MYRFL: variants seen among roughly 807,000 people sequenced by gnomAD.
MYRFL encodes myelin regulatory factor like.
MYRFL carries 88 observed loss-of-function variants against 109.4 expected under a neutral mutation model. That is an observed-to-expected ratio of 0.80 (90% CI 0.68 to 0.96). MYRFL has a LOEUF of 0.96. Ranked by LOEUF, MYRFL falls within the 40% of genes least tolerant of loss-of-function variation. The pLI is 0.00. For synonymous variants in MYRFL, 324 were observed against 320.9 expected, an observed-to-expected ratio of 1.01 and a Z score of -0.10; for missense variants, 957 against 954.9, an observed-to-expected ratio of 1.00 and a Z score of -0.03.
At chr12:69,869,063 G>C (rs1317013200) in intron 2 of MYRFL, among the ~76,000 whole-genome samples, 1 of 152,208 alleles carries the variant, frequency 6.6e-6, no homozygotes, top group Non-Finnish European at 1.5e-5. Flanking sequence ...AGTTCATGCG[G>C]AAAGATAAAT....
rs1346873821 is a variant in MYRFL at position 69,958,309 on chromosome 12, C to T, written c.2632C>T (p.Arg878Cys). The T allele has an allele frequency of 5.2e-6, 8 of 1,536,252 alleles. No individual in the cohort carries two copies. Among genetic ancestry groups the T allele is most frequent in the East Asian group, 4.9e-5 (2 of 40,928 alleles). Residue 878 changes from arginine to cysteine, a missense_variant, in exon 24 of 25, where the codon CGT becomes TGT. Coordinates refer to ENST00000552032, the MANE Select transcript of MYRFL (RefSeq NM_182530.3). Reference protein sequence around the residue: ...APFSDSMFHFRVAAPDLADCS... With the variant: ...APFSDSMFHFCVAAPDLADCS... ...ATTTTCTGACAGCATGTTCCATTTCCGTGTAGCTGCACCGGTAAGCTTGCT... is the reference window on the plus strand; with the variant it reads ...ATTTTCTGACAGCATGTTCCATTTCTGTGTAGCTGCACCGGTAAGCTTGCT...
chr12:69,867,348 T>C (rs1028264372), intron 2 of MYRFL, among the ~76,000 whole-genome samples: 1 of 152,202 alleles, frequency 6.6e-6, no homozygotes, highest in African/African-American at 2.4e-5. Context: ...TATGCACGTG[T>C]GTGCAGGGAA....
At chr12:69,896,000 G>A (rs1398042593) in intron 9 of MYRFL, among the ~76,000 whole-genome samples, 1 of 152,180 alleles carries the variant, frequency 6.6e-6, no homozygotes, top group East Asian at 1.9e-4. Context: ...CAAAAACTCT[G>A]GGGATGGGGC....
At chr12:69,958,003 G>C in intron 23 of MYRFL, 61 bp downstream of exon 23, 1 of 1,497,204 alleles carries the variant, frequency 6.7e-7, no homozygotes, top group Middle Eastern at 1.7e-4. Context: ...CAAATTGCCA[G>C]TGTTTTCCCT....
chr12:69,857,205 C>T (rs1366074040), intron 2 of MYRFL, among the ~76,000 whole-genome samples: 6 of 151,896 alleles, frequency 4.0e-5, no homozygotes, highest in Non-Finnish European at 4.4e-5. Context: ...CTAGACTCTT[C>T]ATTCCTTTCC....
Position 69,903,751 on chromosome 12 carries a change from G to A in MYRFL, c.1290G>A (p.Ala430=), listed in dbSNP as rs1246456924. 12 of 1,535,624 alleles carry A rather than the reference G, an allele frequency of 7.8e-6. No homozygotes were observed. The Admixed American group carries it at 1.4e-4, about 18-fold the overall frequency. Reference sequence around the variant, plus strand: ...GTCGAGTAGGAATCAACACAGATGCGCCGGACGAAGCCCTGGTTGTCTGTG... The same window carrying A: ...GTCGAGTAGGAATCAACACAGATGCACCGGACGAAGCCCTGGTTGTCTGTG... ...CHGRVGINTD[A]PDEALVVCGN... Residue 430 remains alanine, a synonymous_variant, in exon 11 of 25, where the codon GCG becomes GCA. Transcript: ENST00000552032.
chr12:69,854,773 G>C (rs1166673075), intron 1 of MYRFL, among the ~76,000 whole-genome samples: 1 of 152,070 alleles, frequency 6.6e-6, no homozygotes, highest in Non-Finnish European at 1.5e-5. Flanking sequence ...GATAAAGTCT[G>C]GGCTTTTAGT....
chr12:69,881,696 C>T (rs956960151), intron 5 of MYRFL, among the ~76,000 whole-genome samples: 1 of 152,224 alleles, frequency 6.6e-6, no homozygotes, highest in Non-Finnish European at 1.5e-5. Context: ...TCAACTAAAC[C>T]TCAAACTGCC....
chr12:69,910,878 A>T lies in MYRFL; in HGVS notation c.1550A>T (p.Asp517Val). The change falls in exon 13 of 25, where the codon GAT becomes GTT. Residue 517 changes from aspartate to valine, a missense_variant. Physicochemically the swap from Asp to Val is radical, Grantham distance 152. Transcript: ENST00000552032. ...CCCAGAGCAGTAAGAGAGGTTGGTG[A>T]TGTCACCTGCGGAAACGGAGAGACC... The part of the protein sequence containing the change: ...ILPRAVREVG[D>V]VTCGNGETLE... 1.3e-6 allele frequency: 2 copies of T among 1,535,366 alleles called. No homozygotes were observed. The highest frequency in any genetic ancestry group is 1.7e-6 in the Non-Finnish European group (2 of 1,146,378).
rs149338851 is a variant in MYRFL at position 69,951,303 on chromosome 12, T to G, written c.2225-810T>G. Among the ~76,000 whole-genome samples the G allele has an allele frequency of 1.5e-4, 23 of 152,236 alleles. No individual in the cohort carries two copies. In the East Asian group the frequency reaches 4.1e-3, roughly 27 times the overall value. Reference sequence around the variant, plus strand: ...AGTCCAAGACCAAGGTGTCAGCAGGTCTGATTTCTTCTGAGGCTTCTCTCC... The same window carrying G: ...AGTCCAAGACCAAGGTGTCAGCAGGGCTGATTTCTTCTGAGGCTTCTCTCC... On this transcript the variant is annotated intron_variant, in intron 19 of 24. Coordinates refer to ENST00000552032, the MANE Select transcript of MYRFL (RefSeq NM_182530.3).
At chr12:69,953,764 G>GACACACACACACACACACACAC (rs143170206) in intron 21 of MYRFL, among the ~76,000 whole-genome samples, 1 of 144,180 alleles carries the variant, frequency 6.9e-6, no homozygotes, top group Non-Finnish European at 1.5e-5. Context: ...GTGCAACCCG[G>GACACACACACACACACACACAC]ACACACACAC....
rs199922277 is a variant in MYRFL, at chr12:69,955,348, TC to T, written c.2376-14del. The T allele has an allele frequency of 8.5e-5, 53 of 624,470 alleles. No homozygotes were observed. Among genetic ancestry groups the T allele is most frequent in the African/African-American group, 7.3e-4 (39 of 53,528 alleles). 38.7% of individuals were successfully genotyped at this position (624,470 alleles called of 1,614,324 possible). On this transcript the variant is annotated splice_polypyrimidine_tract_variant and intron_variant, in intron 21 of 24. Coordinates refer to ENST00000552032, the MANE Select transcript of MYRFL (RefSeq NM_182530.3). The stretch of plus-strand genomic sequence containing the variant: ...CATATTTTGATTTGTGGTTTTATTT[TC>T]TTTCCATAATTAGATCTGGAAATTA...
chr12:69,910,740 A>T, intron 12 of MYRFL, 81 bp from the exon 13 acceptor site: 5 of 1,025,660 alleles, frequency 4.9e-6, no homozygotes, highest in Non-Finnish European at 7.0e-6. Flanking sequence ...TGTATTGTAG[A>T]TCAAAGCAAA....
At chr12:69,876,254 G>C (rs925825590) in intron 2 of MYRFL, among the ~76,000 whole-genome samples, 3 of 152,150 alleles carry the variant, frequency 2.0e-5, no homozygotes, top group Non-Finnish European at 4.4e-5. Flanking sequence ...CCAGCCCTCA[G>C]ACTAAATGCT....
intron 2 of MYRFL, among the ~76,000 whole-genome samples, chr12:69,863,010 T>C (rs1440813382): frequency 6.6e-6 from 1 of 152,068 alleles, no homozygotes; most frequent in Non-Finnish European, 1.5e-5. Context: ...GAGATAATCA[T>C]GTGGTTTTTG....
At chr12:69,958,391 C>T in intron 24 of MYRFL, 54 bp from the exon 25 acceptor site, 3 of 1,515,330 alleles carry the variant, frequency 2.0e-6, no homozygotes, top group South Asian at 1.3e-5. Context: ...ATCACTTTAA[C>T]CACAGTTAAT....
intron 11 of MYRFL, among the ~76,000 whole-genome samples, chr12:69,904,988 C>T (rs1209324084): frequency 1.3e-5 from 2 of 152,174 alleles, no homozygotes; most frequent in Non-Finnish European, 2.9e-5. Context: ...TAATTGTAGA[C>T]TTTTATACTG....
chr12:69,864,619 A>G (rs1432207759), intron 2 of MYRFL, among the ~76,000 whole-genome samples: 1 of 149,052 alleles, frequency 6.7e-6, no homozygotes, highest in Non-Finnish European at 1.5e-5. Flanking sequence ...GGTGAGTTCA[A>G]CATTTTTCAA....
intron 22 of MYRFL, among the ~76,000 whole-genome samples, 163 bp from the exon 23 acceptor site, chr12:69,957,659 G>A (rs1004620647): frequency 4.6e-5 from 7 of 152,164 alleles, no homozygotes; most frequent in Non-Finnish European, 8.8e-5. Context: ...ATGTGAGCTG[G>A]CCTATTGGCA....
Sources: gnomAD v4.1 joint callset for allele counts (sites outside exome capture counted in the v4.1 genomes callset) on GRCh38, gnomAD v4.1.1 for gene constraint, MANE v1.5 for transcripts, NCBI Gene and HGNC (gene_info 2026-07-23, HGNC 2026-07-21) for gene names.